The following GALNT11 variants were observed in gnomAD, a reference collection of about 807,000 sequenced individuals.
The protein encoded by GALNT11 is UDP-GalNAc:polypeptide N-acetylgalactosaminyltransferase 11.
A neutral mutation model predicts 72.7 loss-of-function variants in GALNT11; 47 were observed. The ratio of observed to expected loss-of-function variants is 0.65; its 90% CI spans 0.51 to 0.82. The LOEUF is 0.82. Ranked by LOEUF, GALNT11 falls within the 40% of genes least tolerant of loss-of-function variation. The probability of loss-of-function intolerance (pLI) is 0.00; values close to 1 mark genes in which losing one functional copy is unlikely to be tolerated. For missense variants in GALNT11, 677 were observed against 778.4 expected (o/e 0.87, Z 1.55); for synonymous variants, 270 against 286.6 (o/e 0.94, Z 0.58).
intron 1 of GALNT11, among the ~76,000 whole-genome samples, chr7:152,054,911 G>T (rs1273072001): frequency 6.6e-6 from 1 of 152,176 alleles, no homozygotes; most frequent in Non-Finnish European, 1.5e-5. Context: ...CCCATAGGAT[G>T]TGTGTATACA....
intron 2 of GALNT11, among the ~76,000 whole-genome samples, chr7:152,099,543 T>G (rs1296004273): frequency 3.0e-5 from 4 of 131,282 alleles, no homozygotes; most frequent in Admixed American, 7.6e-5. Flanking sequence ...TTTTTTTTTT[T>G]TTTTTTTTTT....
Position 152,068,485 on chromosome 7 carries a change from A to G in GALNT11, c.-38-25705A>G, listed in dbSNP as rs144620744. ...AAAGCTGCTGTAAGGTTTCATATGC[A>G]GGTTTTTGTGTTGGTGAGTTTTGAT... On this transcript the variant is annotated intron_variant, in intron 1 of 11. Coordinates refer to ENST00000430044, the MANE Select transcript of GALNT11 (RefSeq NM_022087.4). 7.1e-4 allele frequency among the ~76,000 whole-genome samples: 108 copies of G among 152,282 alleles called. 1 individual carries two copies. Among genetic ancestry groups the G allele is most frequent in the African/African-American group, 2.5e-3 (105 of 41,552 alleles).
intron 1 of GALNT11, among the ~76,000 whole-genome samples, chr7:152,031,958 G>A (rs2082321556): frequency 6.6e-6 from 1 of 152,192 alleles, no homozygotes; most frequent in African/African-American, 2.4e-5. Flanking sequence ...GTGAGGATAA[G>A]CCAGTATAGG....
chr7:152,113,474 T>C, intron 8 of GALNT11, 76 bp downstream of exon 8: 2 of 1,512,068 alleles, frequency 1.3e-6, no homozygotes, highest in Non-Finnish European at 9.0e-7. Context: ...TTTAGTTGCT[T>C]ACTTTTCACT....
chr7:152,120,921 C>G lies in GALNT11; in HGVS notation c.1648C>G (p.Leu550Val). Reference sequence around the variant, plus strand: ...GACTCGCTCATCAGACCCGCCACGGCTCATGAAATGCCACGGGTCAGGAGG... The same window carrying G: ...GACTCGCTCATCAGACCCGCCACGGGTCATGAAATGCCACGGGTCAGGAGG... ...SETRSSDPPR[L>V]MKCHGSGGSQ... is the part of the protein sequence containing the mutation. The change falls in exon 11 of 12, where the codon CTC (leucine) becomes GTC (valine). Residue 550 changes from leucine to valine, a missense_variant. By Grantham distance (32) the Leu-to-Val change is conservative (BLOSUM62 1). Coordinates refer to ENST00000430044, the MANE Select transcript of GALNT11 (RefSeq NM_022087.4). The G allele has an allele frequency of 1.2e-6, 2 of 1,614,092 alleles. No homozygotes were observed. The highest frequency in any genetic ancestry group is 1.7e-6 in the Non-Finnish European group (2 of 1,179,990).
At chr7:152,059,583 A>T (rs2083889170) in intron 1 of GALNT11, among the ~76,000 whole-genome samples, 1 of 152,238 alleles carries the variant, frequency 6.6e-6, no homozygotes, top group Admixed American at 6.5e-5. Context: ...CAGAATGGAC[A>T]GTGTGTTAGC....
At chr7:152,066,589 A>G (rs1247163192) in intron 1 of GALNT11, among the ~76,000 whole-genome samples, 1 of 152,170 alleles carries the variant, frequency 6.6e-6, no homozygotes, top group Non-Finnish European at 1.5e-5. Flanking sequence ...ACCACCCCCA[A>G]TCACTTGTAG....
chr7:152,069,977 C>A (rs540094891), intron 1 of GALNT11, among the ~76,000 whole-genome samples: 397 of 148,418 alleles, frequency 2.7e-3, no homozygotes, highest in Non-Finnish European at 4.0e-3. Flanking sequence ...TTTTTTCTTT[C>A]TTTTTTCTTT....
intron 1 of GALNT11, among the ~76,000 whole-genome samples, chr7:152,037,178 T>A (rs956920728): frequency 6.6e-6 from 1 of 152,230 alleles, no homozygotes; most frequent in African/African-American, 2.4e-5. Context: ...CAGTGTTTTC[T>A]TTTAGTAGTT....
intron 1 of GALNT11, among the ~76,000 whole-genome samples, chr7:152,086,070 T>A (rs1033278212): frequency 2.0e-5 from 3 of 152,064 alleles, no homozygotes; most frequent in African/African-American, 7.2e-5. Flanking sequence ...GTATTTTTAG[T>A]AGACATGGGG....
intron 1 of GALNT11, among the ~76,000 whole-genome samples, chr7:152,037,116 G>A (rs1029428544): frequency 1.3e-5 from 2 of 152,080 alleles, no homozygotes; most frequent in Non-Finnish European, 2.9e-5. Context: ...ATGCTGTGGT[G>A]GGGTATTACT....
intron 1 of GALNT11, among the ~76,000 whole-genome samples, chr7:152,062,464 T>A (rs1026929584): frequency 6.6e-6 from 1 of 152,200 alleles, no homozygotes; most frequent in Non-Finnish European, 1.5e-5. Flanking sequence ...TATTTCTTTC[T>A]CCTGCCTGAT....
chr7:152,109,457 TAA>T (rs1434400570), intron 6 of GALNT11, among the ~76,000 whole-genome samples: 1 of 152,250 alleles, frequency 6.6e-6, no homozygotes, highest in East Asian at 1.9e-4. Flanking sequence ...GTCTTGTTTT[TAA>T]AAAGTGTCTT....
At chr7:152,079,208 G>A (rs974277689) in intron 1 of GALNT11, 4 of 152,152 alleles carry the variant, frequency 2.6e-5, no homozygotes, top group Non-Finnish European at 5.9e-5. Context: ...GAATTAGGAG[G>A]TAGAAACTAC....
Position 152,120,939 on chromosome 7 carries a change from T to A in GALNT11, c.1666T>A (p.Ser556Thr). ...DPPRLMKCHG[S>T]GGSQQWTFGK... ...GCCACGGCTCATGAAATGCCACGGGTCAGGAGGATCCCAGCAGTGGACCTT... is the reference window on the plus strand; with the variant it reads ...GCCACGGCTCATGAAATGCCACGGGACAGGAGGATCCCAGCAGTGGACCTT... Residue 556 changes from serine to threonine, a missense_variant, in exon 11 of 12, where the codon TCA (serine) becomes ACA (threonine). By Grantham distance (58) the Ser-to-Thr change is moderately conservative (BLOSUM62 1). Transcript: ENST00000430044. The A allele has an allele frequency of 1.2e-6, 2 of 1,613,980 alleles. No homozygotes were observed. Among genetic ancestry groups the A allele is most frequent in the Non-Finnish European group, 1.7e-6 (2 of 1,179,972 alleles).
chr7:152,067,476 A>G (rs1587126526), intron 1 of GALNT11, among the ~76,000 whole-genome samples: 1 of 152,224 alleles, frequency 6.6e-6, no homozygotes, highest in Non-Finnish European at 1.5e-5. Context: ...ACTTTGGGCT[A>G]TAATGCAATA....
At chr7:152,027,076 C>T (rs957275098) in intron 1 of GALNT11, among the ~76,000 whole-genome samples, 11 of 152,060 alleles carry the variant, frequency 7.2e-5, no homozygotes, top group African/African-American at 4.8e-5. Flanking sequence ...GGTGAAATCC[C>T]GTCTCTACTA....
At position 152,113,494 on chromosome 7, in the gene GALNT11, T is replaced by G. The variant is rs2088464266; in HGVS notation, c.1233+96T>G. Reference sequence around the variant, plus strand: ...TTGCTTACTTTTCACTCTGGCATATTTCTCTTGGTTAACCTTCACCTTAGG... The same window carrying G: ...TTGCTTACTTTTCACTCTGGCATATGTCTCTTGGTTAACCTTCACCTTAGG... On this transcript the variant is annotated intron_variant, in intron 8 of 11. Coordinates refer to ENST00000430044, the MANE Select transcript of GALNT11 (RefSeq NM_022087.4). 4 of 1,423,460 alleles carry G rather than the reference T, an allele frequency of 2.8e-6. No individual in the cohort carries two copies. In the Admixed American group the frequency reaches 8.4e-5, roughly 30 times the overall value. The allele number at this position is 1,423,460 out of a possible 1,614,324, so 88.2% of individuals were successfully genotyped here. A position where few individuals can be genotyped will look rare whatever the true frequency, so the allele number is the denominator to read the frequency against.
intron 1 of GALNT11, among the ~76,000 whole-genome samples, chr7:152,078,703 G>A (rs1423638547): frequency 6.6e-6 from 1 of 152,054 alleles, no homozygotes; most frequent in East Asian, 1.9e-4. Context: ...TCAGAATTCT[G>A]CTGAGAGTAA....
Sources: allele counts gnomAD v4.1 joint callset (sites outside exome capture counted in the v4.1 genomes callset), GRCh38; gene constraint gnomAD v4.1.1; transcripts MANE v1.5; gene names NCBI Gene and HGNC (gene_info 2026-07-23, HGNC 2026-07-21).